Variants in CRHR2 observed in about 807,000 individuals in gnomAD.
CRHR2 encodes the protein corticotropin releasing hormone receptor 2.
CRHR2 carries 53 observed loss-of-function variants against 57.9 expected under a neutral mutation model. That is an observed-to-expected ratio of 0.92 (90% CI 0.73 to 1.15). The LOEUF is 1.15. Among genes scored for constraint, CRHR2 ranks in the 50% most tolerant of loss-of-function variants. The probability of loss-of-function intolerance (pLI) is 0.00; values close to 1 mark genes in which losing one functional copy is unlikely to be tolerated. For synonymous variants in CRHR2, 213 were observed against 220.9 expected, an observed-to-expected ratio of 0.96 and a Z score of 0.32; for missense variants, 532 against 542.6, an observed-to-expected ratio of 0.98 and a Z score of 0.19.
upstream of CRHR2, among the ~76,000 whole-genome samples, chr7:30,687,343 G>T (rs255097): frequency 1.3e-5 from 2 of 151,918 alleles, no homozygotes; most frequent in South Asian, 4.2e-4. Flanking sequence ...CAAGCGATGC[G>T]GTGGTTGAAT....
intron 1 of CRHR2, among the ~76,000 whole-genome samples, chr7:30,694,933 G>C (rs1785028701): frequency 1.4e-5 from 2 of 142,778 alleles, no homozygotes; most frequent in Admixed American, 1.4e-4. Flanking sequence ...GGGAGAGGGG[G>C]AGAATGGGGA....
At position 30,694,469 on chromosome 7, in the gene CRHR2, G is replaced by C. The variant is rs953455880; in HGVS notation, c.-260-5185C>G. The stretch of plus-strand genomic sequence containing the variant: ...AAAGGTATCGCCTCCCTGGAACCTG[G>C]GGGTCTGGCCCAGTCTAGTGTTCCC... On this transcript the variant is annotated intron_variant, in intron 1 of 13. Transcript: ENST00000341843. 4.6e-5 allele frequency among the ~76,000 whole-genome samples: 7 copies of C among 152,330 alleles called. No homozygotes were observed. In the East Asian group the frequency reaches 1.4e-3, roughly 29 times the overall value.
intron 11 of CRHR2, chr7:30,654,781 C>A: frequency 1.3e-6 from 2 of 1,536,860 alleles, no homozygotes; most frequent in Non-Finnish European, 1.7e-6. Context: ...TGAGGCCCTG[C>A]GGCCTGGGCT....
intron 1 of CRHR2, among the ~76,000 whole-genome samples, chr7:30,697,558 G>A (rs937051351): frequency 6.6e-6 from 1 of 152,096 alleles, no homozygotes; most frequent in Non-Finnish European, 1.5e-5. Context: ...GGTCAAGGCT[G>A]GGTGGGTTCC....
At chr7:30,695,685 A>G (rs570609191) in intron 1 of CRHR2, among the ~76,000 whole-genome samples, 1 of 152,242 alleles carries the variant, frequency 6.6e-6, no homozygotes, top group Non-Finnish European at 1.5e-5. Flanking sequence ...CATAAAAGTC[A>G]CATCTCTTCT....
At chr7:30,690,793 C>A (rs1381151045) in intron 1 of CRHR2, among the ~76,000 whole-genome samples, 21 of 152,192 alleles carry the variant, frequency 1.4e-4, no homozygotes, top group Non-Finnish European at 2.5e-4. Flanking sequence ...TAGGGTGAGG[C>A]AGACACCACT....
chr7:30,687,360 T>C (rs1784875622), upstream of CRHR2, among the ~76,000 whole-genome samples: 1 of 151,658 alleles, frequency 6.6e-6, no homozygotes, highest in African/African-American at 2.4e-5. Context: ...GAATATTTAA[T>C]GACATGGGGA....
chr7:30,654,968 A>G, intron 11 of CRHR2, 71 bp downstream of exon 11: 1 of 1,584,738 alleles, frequency 6.3e-7, no homozygotes, highest in Non-Finnish European at 8.6e-7. Flanking sequence ...GGGCAGCACC[A>G]ATGGAGCTGC....
chr7:30,675,883 G>C (rs1784500192), intron 2 of CRHR2, among the ~76,000 whole-genome samples: 1 of 152,160 alleles, frequency 6.6e-6, no homozygotes, highest in Admixed American at 6.5e-5. Context: ...TTGTCTCTAG[G>C]CTCCTCAATT....
intron 2 of CRHR2, among the ~76,000 whole-genome samples, chr7:30,671,222 G>A (rs952522438): frequency 2.6e-5 from 4 of 152,130 alleles, no homozygotes; most frequent in African/African-American, 9.7e-5. Context: ...TCAATTATAT[G>A]TTATGTGAGA....
Position 30,682,377 on chromosome 7 carries a change from G to T in CRHR2, c.-97C>A. 2.1e-6 allele frequency: 3 copies of T among 1,399,810 alleles called. No homozygotes were observed. Among genetic ancestry groups the T allele is most frequent in the South Asian group, 3.1e-5 (2 of 63,672 alleles). The allele number at this position is 1,399,810 out of a possible 1,614,324, so 86.7% of individuals were successfully genotyped here. On this transcript the variant is annotated 5_prime_UTR_variant, in exon 1 of 12. Transcript: ENST00000471646. ...AGAGTGAGCGGCCGAGAGGGCGCGG[G>T]GTCCTGGCCCCCGCCAGCCCAGCCC...
intron 1 of CRHR2, among the ~76,000 whole-genome samples, chr7:30,690,760 C>A (rs1784944872): frequency 6.6e-6 from 1 of 152,212 alleles, no homozygotes; most frequent in Non-Finnish European, 1.5e-5. Context: ...AGAGTGCTGC[C>A]CCCTGCACCC....
At chr7:30,669,008 T>C (rs974478629) in intron 2 of CRHR2, among the ~76,000 whole-genome samples, 10 of 152,172 alleles carry the variant, frequency 6.6e-5, no homozygotes, top group African/African-American at 2.4e-4. Context: ...TGAGGGTCAG[T>C]GATAGTGATG....
At chr7:30,694,671 G>T (rs534336314) in intron 1 of CRHR2, among the ~76,000 whole-genome samples, 1 of 152,100 alleles carries the variant, frequency 6.6e-6, no homozygotes. Flanking sequence ...AGCTGGGAGG[G>T]GCAGCATTCC....
At chr7:30,694,941 G>A (rs1395722426) in intron 1 of CRHR2, among the ~76,000 whole-genome samples, 3 of 143,956 alleles carry the variant, frequency 2.1e-5, no homozygotes, top group Admixed American at 6.9e-5. Flanking sequence ...GGGAGAATGG[G>A]GAGGAGAGAA....
Position 30,665,474 on chromosome 7 carries a change from A to T in CRHR2, c.425+56T>A. On this transcript the variant is annotated intron_variant, in intron 4 of 11. Transcript: ENST00000471646. This position sits in a 1 kb window ranked among gnomAD's most constrained non-coding sequence, Gnocchi z 4.5. ...AGGTGAGAATGTCTGGGAGAGGTGAAGGGGGTGCTGTAGGGGGAGGGATGA... is the reference window on the plus strand; with the variant it reads ...AGGTGAGAATGTCTGGGAGAGGTGATGGGGGTGCTGTAGGGGGAGGGATGA... 7.2e-7 allele frequency: 1 copy of T among 1,382,602 alleles called. No individual in the cohort carries two copies. The highest frequency in any genetic ancestry group is 1.0e-6 in the Non-Finnish European group (1 of 995,292). 85.6% of individuals were successfully genotyped at this position (1,382,602 alleles called of 1,614,324 possible).
At chr7:30,698,744 C>A (rs1438661902) in intron 1 of CRHR2, among the ~76,000 whole-genome samples, 1 of 152,198 alleles carries the variant, frequency 6.6e-6, no homozygotes, top group Non-Finnish European at 1.5e-5. Context: ...TGGCGGCTGG[C>A]ACAAAAGCAT....
intron 1 of CRHR2, among the ~76,000 whole-genome samples, chr7:30,690,646 A>C (rs1054855860): frequency 6.6e-6 from 1 of 152,210 alleles, no homozygotes; most frequent in East Asian, 1.9e-4. Context: ...CGTTCTCCAC[A>C]TTGGGCTCAG....
At chr7:30,658,032 C>T (rs1396745170) in intron 8 of CRHR2, among the ~76,000 whole-genome samples, 5 of 152,232 alleles carry the variant, frequency 3.3e-5, no homozygotes. Flanking sequence ...CATCCTTACA[C>T]TTGGCAGACA....
Sources: allele counts gnomAD v4.1 joint callset (sites outside exome capture counted in the v4.1 genomes callset), GRCh38; gene constraint gnomAD v4.1.1; non-coding constraint Gnocchi (gnomAD v3.1); transcripts MANE v1.5; gene names NCBI Gene and HGNC (gene_info 2026-07-23, HGNC 2026-07-21).